UTP20: variants seen among roughly 807,000 people sequenced by gnomAD.
The protein encoded by UTP20 is UTP20 small subunit processome component.
UTP20 carries 164 observed loss-of-function variants against 329.5 expected under a neutral mutation model. The observed-to-expected ratio is 0.50, with a 90% CI of 0.44 to 0.57. UTP20 has a LOEUF of 0.57. Ranked by LOEUF, UTP20 falls within the 20% of genes least tolerant of loss-of-function variation. UTP20 has a pLI of 0.00. For synonymous variants in UTP20, 1,151 were observed against 1,159.3 expected, an observed-to-expected ratio of 0.99 and a Z score of 0.14; for missense variants, 3,055 against 3,284.2, an observed-to-expected ratio of 0.93 and a Z score of 1.71.
At chr12:101,323,688 T>G (rs957985101) in intron 25 of UTP20, among the ~76,000 whole-genome samples, 1 of 152,202 alleles carries the variant, frequency 6.6e-6, no homozygotes, top group Non-Finnish European at 1.5e-5. Flanking sequence ...GTAAATAATA[T>G]TCCTCTCTGT....
chr12:101,340,294 G>A (rs1869078664), intron 31 of UTP20, among the ~76,000 whole-genome samples: 1 of 152,156 alleles, frequency 6.6e-6, no homozygotes, highest in Admixed American at 6.5e-5. Flanking sequence ...ATCAGATATT[G>A]CAAAAGAAAT....
At chr12:101,345,462 C>A in intron 36 of UTP20, 92 bp from the exon 37 acceptor site, 2 of 931,310 alleles carry the variant, frequency 2.1e-6, no homozygotes, top group Non-Finnish European at 3.1e-6. Context: ...AAATATTTTA[C>A]TTTTTAAAAT....
In UTP20 at chr12:101,386,205, G is replaced by A. The variant is rs1593459859; in HGVS notation, c.*82G>A. The A allele has an allele frequency of 2.9e-6, 4 of 1,402,812 alleles. No individual in the cohort carries two copies. In the East Asian group the frequency reaches 9.6e-5, roughly 34 times the overall value. The allele number at this position is 1,402,812 out of a possible 1,614,324, so 86.9% of individuals were successfully genotyped here. A position where few individuals can be genotyped will look rare whatever the true frequency, so the allele number is the denominator to read the frequency against. On this transcript the variant is annotated 3_prime_UTR_variant, in exon 62 of 62. Coordinates refer to ENST00000261637, the MANE Select transcript of UTP20 (RefSeq NM_014503.3). ...TTACAGTAGGTTGTCTGGGGTAGGG[G>A]GGAGGCGTTTTTTTTTTTTTTTGAG...
chr12:101,333,982 G>A (rs967266927), intron 28 of UTP20, among the ~76,000 whole-genome samples: 1 of 152,174 alleles, frequency 6.6e-6, no homozygotes, highest in African/African-American at 2.4e-5. Flanking sequence ...GACTTTTATA[G>A]CACCTCACAT....
chr12:101,357,057 A>G lies in UTP20; in HGVS notation c.5666A>G (p.Gln1889Arg). The change falls in exon 43 of 62, where the codon CAG (glutamine) becomes CGG (arginine). Residue 1889 changes from glutamine to arginine, a missense_variant. Gln to Arg is a conservative substitution (Grantham distance 43). Around this residue, in one of 3 missense-constraint regions of UTP20, gnomAD observed 2,445 missense variants for 2,575.5 expected, o/e 0.95. Coordinates refer to ENST00000261637, the MANE Select transcript of UTP20 (RefSeq NM_014503.3). ...HFLLYVLKEL[Q>R]TTLVRGYQVH... Reference sequence around the variant, plus strand: ...CTCCTATATGTTTTAAAAGAATTACAGACTACTCTTGTCCGTGGATACCAG... The same window carrying G: ...CTCCTATATGTTTTAAAAGAATTACGGACTACTCTTGTCCGTGGATACCAG... The G allele has an allele frequency of 1.2e-6, 2 of 1,612,936 alleles. No individual in the cohort carries two copies. Among genetic ancestry groups the G allele is most frequent in the Non-Finnish European group, 1.7e-6 (2 of 1,179,602 alleles).
chr12:101,295,764 T>C, intron 12 of UTP20, 106 bp downstream of exon 12: 1 of 1,256,866 alleles, frequency 8.0e-7, no homozygotes, highest in Non-Finnish European at 1.1e-6. Flanking sequence ...AGGAAAGATG[T>C]CCATGATAAG....
At chr12:101,308,117 A>G in intron 17 of UTP20, 68 bp from the exon 18 acceptor site, 3 of 1,381,126 alleles carry the variant, frequency 2.2e-6, no homozygotes, top group South Asian at 1.8e-5. Flanking sequence ...CTTTGGTCAC[A>G]TTTAATGTTC....
chr12:101,287,813 G>A (rs899301354), intron 5 of UTP20, among the ~76,000 whole-genome samples: 5 of 152,214 alleles, frequency 3.3e-5, no homozygotes, highest in African/African-American at 1.2e-4. Context: ...TACAGTCACA[G>A]ATAAAACAGA....
Position 101,293,256 on chromosome 12 carries a change from T to G in UTP20, c.1251+11T>G. 1 of 1,612,174 alleles carries G rather than the reference T, an allele frequency of 6.2e-7. No individual in the cohort carries two copies. Among genetic ancestry groups the G allele is most frequent in the Non-Finnish European group, 8.5e-7 (1 of 1,178,584 alleles). On this transcript the variant is annotated intron_variant, in intron 11 of 61. Coordinates refer to ENST00000261637, the MANE Select transcript of UTP20 (RefSeq NM_014503.3). Reference sequence around the variant, plus strand: ...AAGCAGTTTGAGCAGGTAAGCAAGTTACTAAGTTCGGAGTATTTTTAAAAA... The same window carrying G: ...AAGCAGTTTGAGCAGGTAAGCAAGTGACTAAGTTCGGAGTATTTTTAAAAA...
intron 61 of UTP20, 58 bp downstream of exon 61, chr12:101,385,786 GC>G: frequency 6.4e-7 from 1 of 1,564,314 alleles, no homozygotes; most frequent in Non-Finnish European, 8.6e-7. Context: ...TACTAAGTGT[GC>G]ATGTTTGTGT....
chr12:101,335,796 C>T (rs899731006), intron 29 of UTP20, among the ~76,000 whole-genome samples: 8 of 152,168 alleles, frequency 5.3e-5, no homozygotes, highest in Non-Finnish European at 1.0e-4. Context: ...CATTGTCTTC[C>T]TCAGGAAAAC....
intron 21 of UTP20, among the ~76,000 whole-genome samples, chr12:101,315,632 G>A (rs886661700): frequency 1.1e-4 from 16 of 152,148 alleles, no homozygotes; most frequent in Non-Finnish European, 2.1e-4. Context: ...GAAAAGCAAT[G>A]ATTTTCTCTT....
rs371551831 is a variant in UTP20, at chr12:101,315,213, C to T, written c.2553-2265C>T. 1.7e-3 allele frequency among the ~76,000 whole-genome samples: 266 copies of T among 152,218 alleles called. 2 individuals are homozygous for T. Among genetic ancestry groups the T allele is most frequent in the African/African-American group, 4.8e-3 (200 of 41,538 alleles). On this transcript the variant is annotated intron_variant, in intron 21 of 61. Transcript: ENST00000261637. ...TAAAATGGCTAGAACTGGCCAGGCA[C>T]GGTGGCTCACACCTGTAATCCCAGC... is the stretch of plus-strand genomic sequence containing the variant.
chr12:101,288,868 C>A, intron 5 of UTP20, 92 bp from the exon 6 acceptor site: 2 of 1,111,398 alleles, frequency 1.8e-6, no homozygotes, highest in Non-Finnish European at 2.6e-6. Flanking sequence ...CCTTGCATAC[C>A]CAGCACATTG....
At chr12:101,383,741 TCTTC>T (rs1199518967) in intron 60 of UTP20, 72 bp downstream of exon 60, 2 of 1,302,878 alleles carry the variant, frequency 1.5e-6, no homozygotes, top group Non-Finnish European at 2.0e-6. Flanking sequence ...AATGTTTCCT[TCTTC>T]CTTTCTGTCC....
In UTP20 at chr12:101,305,918, C is replaced by A; in HGVS notation, c.1785C>A (p.Thr595=). 6.3e-7 allele frequency: 1 copy of A among 1,599,672 alleles called. No homozygotes were observed. The highest frequency in any genetic ancestry group is 8.5e-7 in the Non-Finnish European group (1 of 1,171,596). The change falls in exon 16 of 62, where the codon ACC becomes ACA. Residue 595 remains threonine (T), a synonymous_variant. Transcript: ENST00000261637. ...TCTAATGAACATCTCGTTGCAGAAC[C>A]TTTCCCCTGGAGCCATCTGTGTTGC... The part of the protein sequence containing the change: ...PVERVKNLVL[T]FPLEPSVLLL...
At chr12:101,348,758 T>TTTTTGGG (rs1869416702) in intron 38 of UTP20, among the ~76,000 whole-genome samples, 1 of 135,672 alleles carries the variant, frequency 7.4e-6, no homozygotes, top group African/African-American at 3.1e-5. Context: ...TTTTTTTTTT[T>TTTTTGGG]GGAGAGACAG....
chr12:101,307,366 T>C (rs1377590680), intron 17 of UTP20, among the ~76,000 whole-genome samples: 1 of 151,932 alleles, frequency 6.6e-6, no homozygotes, highest in Non-Finnish European at 1.5e-5. Context: ...ATTACCTCTA[T>C]ATCTACCACA....
chr12:101,334,445 G>A lies in UTP20; in HGVS notation c.3582G>A (p.Glu1194=). 6.2e-7 allele frequency: 1 copy of A among 1,612,098 alleles called. No homozygotes were observed. Among genetic ancestry groups the A allele is most frequent in the South Asian group, 1.1e-5 (1 of 91,010 alleles). ...CCTAGATCAGCAGGCTTGGATCTGA[G>A]AGTCAATATTCTCCTACTCCTCTGC... is the stretch of plus-strand genomic sequence containing the variant. ...VWPQISRLGS[E]SQYSPTPLLK... Residue 1194 remains glutamate (E), a synonymous_variant, in exon 29 of 62, where the codon GAG becomes GAA. Transcript: ENST00000261637.
Sources: gnomAD v4.1 joint callset for allele counts (sites outside exome capture counted in the v4.1 genomes callset) on GRCh38, gnomAD v4.1.1 for gene constraint, gnomAD v4.1.1 regional missense constraint, MANE v1.5 for transcripts, NCBI Gene and HGNC (gene_info 2026-07-23, HGNC 2026-07-21) for gene names.